The following AGBL1 variants were observed in gnomAD, a reference collection of about 807,000 sequenced individuals.
AGBL1 encodes AGBL carboxypeptidase 1.
AGBL1 carries 130 observed loss-of-function variants against 118.9 expected under a neutral mutation model. The ratio of observed to expected loss-of-function variants is 1.09; its 90% CI spans 0.95 to 1.26. The LOEUF is 1.26. Among genes scored for constraint, AGBL1 ranks in the 50% most tolerant of loss-of-function variants. The pLI is 0.00. For synonymous variants in AGBL1, 555 were observed against 478.9 expected (o/e 1.16, Z -2.08); for missense variants, 1,584 against 1,298.1 (o/e 1.22, Z -3.38).
At chr15:86,879,290 C>T (rs1259781728) in intron 22 of AGBL1, among the ~76,000 whole-genome samples, 4 of 152,192 alleles carry the variant, frequency 2.6e-5, no homozygotes, top group Admixed American at 2.0e-4. Context: ...AAGTGTCTGA[C>T]TTCACAAGCC....
intron 19 of AGBL1, among the ~76,000 whole-genome samples, chr15:86,537,898 A>G (rs184578287): frequency 1.2e-3 from 188 of 152,354 alleles, no homozygotes; most frequent in Admixed American, 3.7e-3. Flanking sequence ...AATAAATAAT[A>G]GACGTTAAAA....
At chr15:86,683,363 C>T (rs971580226) in intron 22 of AGBL1, among the ~76,000 whole-genome samples, 1 of 152,050 alleles carries the variant, frequency 6.6e-6, no homozygotes. Context: ...TGTGTTGTAA[C>T]CCATGGTGAA....
intron 23 of AGBL1, among the ~76,000 whole-genome samples, chr15:86,945,836 T>C (rs2080813956): frequency 1.3e-5 from 2 of 152,236 alleles, no homozygotes; most frequent in Non-Finnish European, 2.9e-5. Flanking sequence ...AAAAAGATAC[T>C]TTTGGACCTC....
chr15:87,028,423 C>G (rs561716872), intron 24 of AGBL1, among the ~76,000 whole-genome samples: 5 of 151,754 alleles, frequency 3.3e-5, no homozygotes, highest in African/African-American at 9.7e-5. Context: ...TCATATAGAA[C>G]TTTTAAAGAT....
At chr15:86,993,393 G>A (rs988800733) in intron 24 of AGBL1, among the ~76,000 whole-genome samples, 1 of 152,116 alleles carries the variant, frequency 6.6e-6, no homozygotes, top group African/African-American at 2.4e-5. Context: ...CTCCCACATG[G>A]CTGATATGGA....
chr15:86,092,527 G>A (rs1174834299), intron 1 of AGBL1, among the ~76,000 whole-genome samples: 1 of 152,130 alleles, frequency 6.6e-6, no homozygotes, highest in African/African-American at 2.4e-5. Context: ...AAATGAGCTT[G>A]TAATGGATTG....
chr15:86,635,884 C>T lies in AGBL1; in HGVS notation c.2995-38389C>T, dbSNP rs954604298. 2.6e-5 allele frequency among the ~76,000 whole-genome samples: 4 copies of T among 152,284 alleles called. No homozygotes were observed. In the South Asian group the frequency reaches 6.2e-4, roughly 24 times the overall value. On this transcript the variant is annotated intron_variant, in intron 21 of 22. Coordinates refer to ENST00000614907, the MANE Select transcript of AGBL1 (RefSeq NM_001386094.1). ...ACTGCCAAAGGAGTTATCAATAGAACTCCTGGCCCTAACTTTTGTGTCCCA... is the reference window on the plus strand; with the variant it reads ...ACTGCCAAAGGAGTTATCAATAGAATTCCTGGCCCTAACTTTTGTGTCCCA...
At chr15:87,022,509 T>C (rs1310879487) in intron 24 of AGBL1, among the ~76,000 whole-genome samples, 6 of 152,084 alleles carry the variant, frequency 3.9e-5, no homozygotes, top group Admixed American at 2.0e-4. Flanking sequence ...AGAAGAGATA[T>C]CTAAAAGTTT....
At chr15:86,972,542 CTT>C (rs1170308977) in intron 23 of AGBL1, among the ~76,000 whole-genome samples, 1 of 152,004 alleles carries the variant, frequency 6.6e-6, no homozygotes, top group East Asian at 1.9e-4. Flanking sequence ...ATCTATCACA[CTT>C]TTATCTTATG....
chr15:86,239,201 G>C (rs1373441396), intron 6 of AGBL1, among the ~76,000 whole-genome samples: 2 of 152,002 alleles, frequency 1.3e-5, no homozygotes, highest in Non-Finnish European at 2.9e-5. Context: ...CCGGTTTCTG[G>C]AGCTTCGGAA....
chr15:86,570,480 A>T (rs1471124840), intron 21 of AGBL1, among the ~76,000 whole-genome samples: 1 of 152,242 alleles, frequency 6.6e-6, no homozygotes, highest in Non-Finnish European at 1.5e-5. Context: ...TAGAATATTC[A>T]TAAAGATTCC....
chr15:86,191,173 C>CA (rs992057969), intron 5 of AGBL1, among the ~76,000 whole-genome samples: 1 of 151,056 alleles, frequency 6.6e-6, no homozygotes, highest in Non-Finnish European at 1.5e-5. Flanking sequence ...TGAAACCCCC[C>CA]CTCCCTACTA....
intron 17 of AGBL1, among the ~76,000 whole-genome samples, chr15:86,332,759 C>T (rs551373095): frequency 6.6e-6 from 1 of 152,064 alleles, no homozygotes; most frequent in South Asian, 2.1e-4. Flanking sequence ...ACATTATTCT[C>T]ATCTGCACAC....
At chr15:86,628,290 C>A (rs754346326) in intron 21 of AGBL1, among the ~76,000 whole-genome samples, 1 of 152,094 alleles carries the variant, frequency 6.6e-6, no homozygotes, top group Non-Finnish European at 1.5e-5. Flanking sequence ...CTTTGAGAAC[C>A]CCTAGGCATG....
At chr15:86,126,030 C>T (rs1324706639) in intron 1 of AGBL1, among the ~76,000 whole-genome samples, 1 of 152,010 alleles carries the variant, frequency 6.6e-6, no homozygotes, top group African/African-American at 2.4e-5. Flanking sequence ...ACATTCATGG[C>T]TTTTAATAGA....
chr15:86,655,007 C>A (rs148450454), intron 21 of AGBL1, among the ~76,000 whole-genome samples: 2 of 152,262 alleles, frequency 1.3e-5, no homozygotes, highest in Admixed American at 6.5e-5. Flanking sequence ...AGGTCTGTTT[C>A]TGTTAGCCAA....
chr15:86,968,969 A>G (rs755185344), intron 23 of AGBL1, among the ~76,000 whole-genome samples: 2 of 151,888 alleles, frequency 1.3e-5, no homozygotes, highest in Non-Finnish European at 2.9e-5. Context: ...TCGCCACACA[A>G]AGGCCCCACC....
In AGBL1 at chr15:86,674,436, G is replaced by A. The variant is rs772302951; in HGVS notation, c.3158G>A (p.Arg1053Gln). 35 of 1,603,328 alleles carry A rather than the reference G, an allele frequency of 2.2e-5. No homozygotes were observed. The South Asian group carries it at 2.5e-4, about 12-fold the overall frequency. ...EEDALDQHLQ[R>Q]CSSSSGSVPS... is the part of the protein sequence containing the mutation. The stretch of plus-strand genomic sequence containing the variant: ...GACGCTCTGGACCAGCACCTCCAAC[G>A]GTAAGATGCTCCCAAGGGCTCAGAG... The change falls in exon 22 of 23, where the codon CGG becomes CAG. Residue 1053 changes from arginine to glutamine, a missense_variant and splice_region_variant. By Grantham distance (43) the Arg-to-Gln change is conservative. Coordinates refer to ENST00000614907, the MANE Select transcript of AGBL1 (RefSeq NM_001386094.1).
At chr15:86,938,425 T>G (rs966393529) in intron 23 of AGBL1, among the ~76,000 whole-genome samples, 1 of 152,172 alleles carries the variant, frequency 6.6e-6, no homozygotes, top group African/African-American at 2.4e-5. Flanking sequence ...ATAATCATAG[T>G]AATTGCCTAC....
Sources: allele counts gnomAD v4.1 joint callset (sites outside exome capture counted in the v4.1 genomes callset), GRCh38; gene constraint gnomAD v4.1.1; transcripts MANE v1.5; gene names NCBI Gene and HGNC (gene_info 2026-07-23, HGNC 2026-07-21).